TLE4: variants seen among roughly 807,000 people sequenced by gnomAD.
The protein encoded by TLE4 is TLE family member 4, transcriptional corepressor, also known as transducin-like enhancer protein 4.
TLE4 carries 8 observed loss-of-function variants against 92.8 expected under a neutral mutation model. The ratio of observed to expected loss-of-function variants is 0.09; its 90% confidence interval spans 0.05 to 0.16. The LOEUF (loss-of-function observed/expected upper bound fraction) is 0.16, where lower values mean the gene tolerates loss of function less well. Among genes scored for constraint, TLE4 ranks in the 10% least tolerant of loss-of-function variants. The probability of loss-of-function intolerance (pLI) is 1.00; values close to 1 mark genes in which losing one functional copy is unlikely to be tolerated. For missense variants in TLE4, 675 were observed against 997.6 expected (o/e 0.68, Z 4.36); for synonymous variants, 371 against 374.1 (o/e 0.99, Z 0.10).
At chr9:79,630,620 A>G (rs1587543156) in intron 6 of TLE4, among the ~76,000 whole-genome samples, 1 of 152,130 alleles carries the variant, frequency 6.6e-6, no homozygotes, top group East Asian at 1.9e-4. Context: ...TTTAAATTAG[A>G]ATCTCTGCGA....
intron 6 of TLE4, among the ~76,000 whole-genome samples, chr9:79,632,261 C>G (rs1490247762): frequency 2.0e-5 from 3 of 152,346 alleles, no homozygotes; most frequent in South Asian, 2.1e-4. Flanking sequence ...TCCCCGCATT[C>G]TCTGGGGGAG....
At position 79,708,204 on chromosome 9, in the gene TLE4, C is replaced by T. The variant is rs756660591; in HGVS notation, c.1023C>T (p.Pro341=). 2.6e-5 allele frequency: 42 copies of T among 1,614,036 alleles called. No individual in the cohort carries two copies. Among genetic ancestry groups the T allele is most frequent in the Non-Finnish European group, 3.2e-5 (38 of 1,180,044 alleles). Residue 341 remains proline (P), a synonymous_variant, in exon 12 of 20, where the codon CCC becomes CCT. Coordinates refer to ENST00000376552, the MANE Select transcript of TLE4 (RefSeq NM_007005.6). ...CCACCCCAGGCAGTAACTCTACTCC[C>T]GGATTGAGGCCTGTACCTGGAAAAC... The part of the protein sequence containing the change: ...DAPTPGSNST[P]GLRPVPGKPP...
chr9:79,592,192 T>TTCC (rs2042770879), intron 4 of TLE4, among the ~76,000 whole-genome samples: 4 of 137,860 alleles, frequency 2.9e-5, no homozygotes, highest in Admixed American at 2.8e-4. Flanking sequence ...CCTCTTCTTC[T>TTCC]TCTTCTTCTT....
At chr9:79,678,639 T>C (rs145429414) in intron 8 of TLE4, among the ~76,000 whole-genome samples, 439 of 152,024 alleles carry the variant, frequency 2.9e-3, no homozygotes, top group Non-Finnish European at 4.8e-3. Flanking sequence ...ATTATTATTA[T>C]ACTTTAAGTT....
At chr9:79,625,903 AT>A (rs1430714546) in intron 5 of TLE4, among the ~76,000 whole-genome samples, 2 of 149,518 alleles carry the variant, frequency 1.3e-5, no homozygotes, top group Non-Finnish European at 3.0e-5. Context: ...ATAAATATAT[AT>A]TTATATATAT....
chr9:79,597,348 A>G (rs949349038), intron 4 of TLE4, among the ~76,000 whole-genome samples: 13 of 152,120 alleles, frequency 8.5e-5, no homozygotes, highest in African/African-American at 3.1e-4. Context: ...GTCATTTTTT[A>G]GGGTCCCTTC....
In TLE4 at chr9:79,724,520, G is replaced by A. The variant is rs1232337192; in HGVS notation, c.2215-517G>A. Among the ~76,000 whole-genome samples, 10 of 152,112 alleles carry A rather than the reference G, an allele frequency of 6.6e-5. No homozygotes were observed. In the East Asian group the frequency reaches 1.2e-3, roughly 18 times the overall value. ...CTCCTGACTGACCTGGTGAGGTGTC[G>A]CCAAGGGTGGATCCGATCCACCTCT... is the stretch of plus-strand genomic sequence containing the variant. On this transcript the variant is annotated intron_variant, in intron 19 of 19. Coordinates refer to ENST00000376552, the MANE Select transcript of TLE4 (RefSeq NM_007005.6).
intron 4 of TLE4, among the ~76,000 whole-genome samples, chr9:79,591,711 T>C (rs982628933): frequency 1.1e-4 from 17 of 152,038 alleles, no homozygotes; most frequent in Admixed American, 2.6e-4. Context: ...TGACATTTCA[T>C]TGGGTGAGGA....
chr9:79,685,796 T>A (rs1299506735), intron 8 of TLE4, among the ~76,000 whole-genome samples: 1 of 152,202 alleles, frequency 6.6e-6, no homozygotes, highest in African/African-American at 2.4e-5. Context: ...CTACTTTGTC[T>A]TGTATTAAAA....
At chr9:79,662,637 G>A (rs2060701757) in intron 8 of TLE4, among the ~76,000 whole-genome samples, 2 of 152,160 alleles carry the variant, frequency 1.3e-5, no homozygotes, top group South Asian at 4.1e-4. Flanking sequence ...AGAAGCAGAT[G>A]TCTGATTTGA....
chr9:79,635,280 T>C (rs573018615), intron 6 of TLE4, among the ~76,000 whole-genome samples: 95 of 152,236 alleles, frequency 6.2e-4, no homozygotes, highest in African/African-American at 2.3e-3. Context: ...TCTGTTCAAA[T>C]CTTTGCCTCT....
intron 4 of TLE4, among the ~76,000 whole-genome samples, chr9:79,585,313 G>A (rs866690001): frequency 2.0e-5 from 3 of 152,170 alleles, no homozygotes; most frequent in Admixed American, 6.5e-5. Flanking sequence ...TAAATAGCTT[G>A]CTTGAAATCA....
intron 4 of TLE4, among the ~76,000 whole-genome samples, chr9:79,581,015 T>C (rs2132018901): frequency 6.6e-6 from 1 of 152,294 alleles, no homozygotes; most frequent in African/African-American, 2.4e-5. Flanking sequence ...TTTTTGGTTT[T>C]CATTAAGGTT....
chr9:79,676,187 T>C (rs1427413340), intron 8 of TLE4, among the ~76,000 whole-genome samples: 7 of 152,146 alleles, frequency 4.6e-5, no homozygotes, highest in African/African-American at 1.4e-4. Context: ...AGATATTGTT[T>C]AGTCACTGTG....
chr9:79,601,594 G>C, intron 4 of TLE4: 1 of 413,910 alleles, frequency 2.4e-6, no homozygotes, highest in East Asian at 7.1e-5. Context: ...TGTTACTATT[G>C]TAATAGTTTT....
At chr9:79,698,573 C>G (rs1337280390) in intron 8 of TLE4, among the ~76,000 whole-genome samples, 1 of 151,984 alleles carries the variant, frequency 6.6e-6, no homozygotes, top group African/African-American at 2.4e-5. Context: ...AAAGCAAGTT[C>G]TGTGAGAGTT....
chr9:79,708,375 T>C (rs1236941791), intron 12 of TLE4, 125 bp downstream of exon 12: 2 of 1,274,456 alleles, frequency 1.6e-6, no homozygotes, highest in Non-Finnish European at 2.2e-6. Flanking sequence ...ACAAAGTTAC[T>C]TAACCTGAAC....
chr9:79,596,121 C>T (rs772765785), intron 4 of TLE4, among the ~76,000 whole-genome samples: 1 of 152,144 alleles, frequency 6.6e-6, no homozygotes, highest in Non-Finnish European at 1.5e-5. Context: ...GCTGGGATTA[C>T]AGGCGTGAGG....
At chr9:79,576,412 TCTGTACA>T in intron 4 of TLE4, 1 of 310,554 alleles carries the variant, frequency 3.2e-6, no homozygotes, top group Non-Finnish European at 5.8e-6. Flanking sequence ...CATATTAAAC[TCTGTACA>T]CTTTCAAAAG....
Sources: gnomAD v4.1 joint callset for allele counts (sites outside exome capture counted in the v4.1 genomes callset) on GRCh38, gnomAD v4.1.1 for gene constraint, MANE v1.5 for transcripts, NCBI Gene and HGNC (gene_info 2026-07-23, HGNC 2026-07-21) for gene names.